IRF1: variants seen among roughly 807,000 people sequenced by gnomAD.
IRF1 encodes interferon regulatory factor 1, also known as interferon regulatory factor-1.
Under a neutral mutation model 43.7 loss-of-function variants are expected in IRF1, and 13 were observed. The ratio of observed to expected loss-of-function variants is 0.30; its 90% CI spans 0.19 to 0.47. The LOEUF (loss-of-function observed/expected upper bound fraction) is 0.47, where lower values mean the gene tolerates loss of function less well. Among genes scored for constraint, IRF1 ranks in the 20% least tolerant of loss-of-function variants. IRF1 has a pLI of 0.99. For synonymous variants in IRF1, 138 were observed against 146.8 expected, an observed-to-expected ratio of 0.94 and a Z score of 0.43; for missense variants, 236 against 408.9, an observed-to-expected ratio of 0.58 and a Z score of 3.65.
chr5:132,489,603 A>G, intron 1 of IRF1, 120 bp from the exon 2 acceptor site: 1 of 726,020 alleles, frequency 1.4e-6, no homozygotes. Context: ...GCTAGGTACT[A>G]CACTCAGTGC....
chr5:132,485,566 C>T, intron 8 of IRF1, 101 bp downstream of exon 8: 1 of 941,270 alleles, frequency 1.1e-6, no homozygotes, highest in Non-Finnish European at 1.8e-6. Flanking sequence ...AGCCAGGTGA[C>T]AACAGCAGCT....
chr5:132,488,076 A>G lies in IRF1; in HGVS notation c.88-51T>C, dbSNP rs776153392. 7 of 1,412,750 alleles carry G rather than the reference A, an allele frequency of 5.0e-6. No individual in the cohort carries two copies. The South Asian group carries it at 6.9e-5, about 14-fold the overall frequency. 87.5% of individuals were successfully genotyped at this position (1,412,750 alleles called of 1,614,324 possible). On this transcript the variant is annotated intron_variant, in intron 2 of 9. Coordinates refer to ENST00000245414, the MANE Select transcript of IRF1 (RefSeq NM_002198.3). ...GGCTGTGTCAGGTCAGAGACCACAG[A>G]CTTTGGGGCTGAGTCTGAGACCCAG...
At position 132,485,682 on chromosome 5, in the gene IRF1, A is replaced by C; in HGVS notation, c.702T>G (p.Pro234=). 1 of 1,613,420 alleles carries C rather than the reference A, an allele frequency of 6.2e-7. No homozygotes were observed. The highest frequency in any genetic ancestry group is 8.5e-7 in the Non-Finnish European group (1 of 1,179,588). ...GGGGCTTTACCTTCATGATGTCCTC[A>C]GGTAATTTCCCTTCCTCATCCTCAT... is the stretch of plus-strand genomic sequence containing the variant. ...TTDEDEEGKL[P]EDIMKLLEQS... Residue 234 remains proline, a synonymous_variant, in exon 8 of 10, where the codon CCT becomes CCG. Coordinates refer to ENST00000245414, the MANE Select transcript of IRF1 (RefSeq NM_002198.3).
At chr5:132,487,289 T>G in intron 3 of IRF1, 159 bp from the exon 4 acceptor site, 2 of 716,610 alleles carry the variant, frequency 2.8e-6, no homozygotes, top group Non-Finnish European at 4.7e-6. Context: ...ACTCTGCAGG[T>G]CCTAGGCCCT....
chr5:132,489,423 T>C lies in IRF1; in HGVS notation c.56A>G (p.Asn19Ser), dbSNP rs200434461. 16 of 1,614,020 alleles carry C rather than the reference T, an allele frequency of 9.9e-6. No individual in the cohort carries two copies. Among genetic ancestry groups the C allele is most frequent in the Non-Finnish European group, 1.3e-5 (15 of 1,179,920 alleles). The stretch of plus-strand genomic sequence containing the variant: ...AATCCAGATGAGCCCCGGGATTTGG[T>C]TGGAATTAATCTGCATCTCTAGCCA... ...RPWLEMQINS[N>S]QIPGLIWINK... The change falls in exon 2 of 10, where the codon AAC becomes AGC. Residue 19 changes from asparagine (N) to serine (S), a missense_variant. Around this residue, in one of 2 missense-constraint regions of IRF1, gnomAD observed 66 missense variants for 157.1 expected, o/e 0.42. Transcript: ENST00000245414.
chr5:132,489,769 C>T, intron 1 of IRF1: 1 of 321,066 alleles, frequency 3.1e-6, no homozygotes, highest in African/African-American at 2.0e-5. Flanking sequence ...GGAAAAGAGA[C>T]AAAATGCACA....
At chr5:132,489,640 T>C in intron 1 of IRF1, 157 bp from the exon 2 acceptor site, 1 of 577,736 alleles carries the variant, frequency 1.7e-6, no homozygotes, top group Non-Finnish European at 3.1e-6. Flanking sequence ...GGAATAAAAC[T>C]GCTCTCCAAA....
rs148975322 is a variant in IRF1, at chr5:132,484,860, C to T, written c.718-363G>A. On this transcript the variant is annotated intron_variant, in intron 8 of 9. Transcript: ENST00000245414. ...GACTAGAAAAGCTAGAGATAAGGAA[C>T]GACATCCATGTCTCAATTTTTTGGG... 2.1e-3 allele frequency: 382 copies of T among 178,810 alleles called. 4 individuals are homozygous for T. The highest frequency in any genetic ancestry group is 8.6e-3 in the African/African-American group (368 of 42,608). 11.1% of individuals were successfully genotyped at this position (178,810 alleles called of 1,614,324 possible).
chr5:132,488,263 A>C, intron 2 of IRF1: 7 of 487,822 alleles, frequency 1.4e-5, no homozygotes, highest in South Asian at 4.7e-5. Context: ...GCTCACAAAG[A>C]CCTCCCTCTG....
At position 132,486,246 on chromosome 5, in the gene IRF1, C is replaced by T; in HGVS notation, c.667+5G>A. 6.2e-7 allele frequency: 1 copy of T among 1,613,032 alleles called. No individual in the cohort carries two copies. Among genetic ancestry groups the T allele is most frequent in the Non-Finnish European group, 8.5e-7 (1 of 1,179,668 alleles). On this transcript the variant is annotated splice_donor_5th_base_variant and intron_variant, in intron 7 of 9. Coordinates refer to ENST00000245414, the MANE Select transcript of IRF1 (RefSeq NM_002198.3). ...GCAGGCAGGCCAGGCCCCAGGAGCA[C>T]CAACCTTCAGAGGTGGAGGGCATGG... is the stretch of plus-strand genomic sequence containing the variant.
chr5:132,489,613 C>A, intron 1 of IRF1, 130 bp from the exon 2 acceptor site: 1 of 653,706 alleles, frequency 1.5e-6, no homozygotes, highest in Non-Finnish European at 2.7e-6. Context: ...ACACTCAGTG[C>A]GGAGGGGAGC....
chr5:132,485,407 A>G, intron 8 of IRF1: 1 of 516,690 alleles, frequency 1.9e-6, no homozygotes, highest in Non-Finnish European at 3.6e-6. Flanking sequence ...CATCGCTGAT[A>G]GTGCCTGACT....
At chr5:132,486,085 C>A in intron 7 of IRF1, 166 bp downstream of exon 7, 1 of 908,636 alleles carries the variant, frequency 1.1e-6, no homozygotes, top group East Asian at 2.4e-5. Context: ...GAACTGCCTT[C>A]CTAGTGTCCC....
intron 9 of IRF1, 48 bp from the exon 10 acceptor site, chr5:132,484,123 A>G (rs564511749): frequency 1.2e-6 from 2 of 1,605,094 alleles, no homozygotes; most frequent in Non-Finnish European, 1.7e-6. Flanking sequence ...CGGTGGCATC[A>G]GGTGTGCTTC....
rs1368720459 is a variant in IRF1, at chr5:132,482,778, GTA to G, written c.*1171_*1172del. ...CGATTCTCTTGCCTCAGCCTCCTGA[GTA>G]GCTGGGATTACAAGCACCCGCAACC... is the stretch of plus-strand genomic sequence containing the variant. On this transcript the variant is annotated 3_prime_UTR_variant, in exon 10 of 10. Transcript: ENST00000245414. 1 of 147,940 alleles carries G rather than the reference GTA, an allele frequency of 6.8e-6. No individual in the cohort carries two copies. Among genetic ancestry groups the G allele is most frequent in the African/African-American group, 2.5e-5 (1 of 40,038 alleles). The allele number at this position is 147,940 out of a possible 1,614,324, so 9.2% of individuals were successfully genotyped here. A position where few individuals can be genotyped will look rare whatever the true frequency, so the allele number is the denominator to read the frequency against.
chr5:132,489,680 T>C, intron 1 of IRF1, 197 bp from the exon 2 acceptor site: 1 of 532,884 alleles, frequency 1.9e-6, no homozygotes, highest in Non-Finnish European at 3.4e-6. Flanking sequence ...AAAAATGCTT[T>C]TGCCCCTTCC....
intron 3 of IRF1, chr5:132,487,341 C>G (rs1375188402): frequency 3.4e-6 from 2 of 582,106 alleles, no homozygotes; most frequent in African/African-American, 3.7e-5. Flanking sequence ...ACACATCTAG[C>G]GGGCCTCAGT....
chr5:132,489,722 A>ACT (rs1376696626), intron 1 of IRF1: 7 of 451,752 alleles, frequency 1.5e-5, no homozygotes, highest in African/African-American at 1.3e-4. Context: ...TCTGGAGGAG[A>ACT]CAGGCATGCA....
rs11347983 is a variant in IRF1 at position 132,483,136 on chromosome 5, CT to C, written c.*814del. 0.46 allele frequency: 70,862 copies of C among 152,538 alleles called. 17,436 individuals are homozygous for C. Among genetic ancestry groups the C allele is most frequent in the Non-Finnish European group, 0.56 (38,104 of 67,948 alleles). The allele number at this position is 152,538 out of a possible 1,614,324, so 9.4% of individuals were successfully genotyped here. A position where few individuals can be genotyped will look rare whatever the true frequency, so the allele number is the denominator to read the frequency against. On this transcript the variant is annotated 3_prime_UTR_variant, in exon 10 of 10. Coordinates refer to ENST00000245414, the MANE Select transcript of IRF1 (RefSeq NM_002198.3). ...ACAAATGTACATATTTACACACGTC[CT>C]TATGTGTTCACACATGACTTAATGG...
Sources: allele counts gnomAD v4.1 joint callset, GRCh38; gene constraint gnomAD v4.1.1; regional missense constraint gnomAD v4.1.1; transcripts MANE v1.5; gene names NCBI Gene and HGNC (gene_info 2026-07-23, HGNC 2026-07-21).